Variants in CASTOR2 observed in about 807,000 individuals in gnomAD.
CASTOR2 encodes GATS protein like 2.
Under a neutral mutation model 31.2 loss-of-function variants are expected in CASTOR2, and 8 were observed. That is an observed-to-expected ratio of 0.26 (90% confidence interval 0.15 to 0.46). The LOEUF is 0.46. Ranked by LOEUF, CASTOR2 falls within the 20% of genes least tolerant of loss-of-function variation. CASTOR2 has a pLI of 0.99. For synonymous variants in CASTOR2, 162 were observed against 158.7 expected (o/e 1.02, Z -0.16); for missense variants, 216 against 382.1 (o/e 0.57, Z 3.62).
chr7:74,985,374 G>C (rs1804037556), intron 1 of CASTOR2, among the ~76,000 whole-genome samples: 1 of 151,854 alleles, frequency 6.6e-6, no homozygotes, highest in African/African-American at 2.4e-5. Context: ...GGGCTTAGAA[G>C]CTCGAGACCA....
chr7:74,987,045 C>G (rs1804083433), intron 1 of CASTOR2, among the ~76,000 whole-genome samples: 1 of 151,942 alleles, frequency 6.6e-6, no homozygotes, highest in African/African-American at 2.4e-5. Context: ...CTTTAAATAA[C>G]AACAAAAAAA....
intron 1 of CASTOR2, among the ~76,000 whole-genome samples, chr7:74,977,012 C>G (rs1803828325): frequency 6.6e-6 from 1 of 150,676 alleles, no homozygotes; most frequent in Non-Finnish European, 1.5e-5. Flanking sequence ...AGGTGAAGCC[C>G]TGACTCTACC....
chr7:74,972,720 C>T (rs1382254170), intron 1 of CASTOR2, among the ~76,000 whole-genome samples: 1 of 150,572 alleles, frequency 6.6e-6, no homozygotes. Flanking sequence ...TGCTCTGTCG[C>T]CCAGCCTGGA....
At position 75,028,185 on chromosome 7, in the gene CASTOR2, T is replaced by C. The variant is rs1162369412; in HGVS notation, c.*3486T>C. 12 of 1,071,314 alleles carry C rather than the reference T, an allele frequency of 1.1e-5. No individual in the cohort carries two copies. Among genetic ancestry groups the C allele is most frequent in the Non-Finnish European group, 1.6e-5 (12 of 768,930 alleles). The allele number at this position is 1,071,314 out of a possible 1,614,324, so 66.4% of individuals were successfully genotyped here. ...CAGGCTGGAGTGCTGTGGCATGATC[T>C]CAGCTCACTGCAGCAACCTCCACTT... On this transcript the variant is annotated 3_prime_UTR_variant, in exon 9 of 9. Coordinates refer to ENST00000616305, the MANE Select transcript of CASTOR2 (RefSeq NM_001145064.3).
intron 6 of CASTOR2, among the ~76,000 whole-genome samples, chr7:75,020,638 C>T (rs1449935244): frequency 2.0e-5 from 3 of 151,004 alleles, no homozygotes; most frequent in Non-Finnish European, 3.0e-5. Flanking sequence ...CTACAGGCGC[C>T]GCCACCACGC....
rs952965898 is a variant in CASTOR2, at chr7:75,027,789, C to T, written c.*3090C>T. On this transcript the variant is annotated 3_prime_UTR_variant, in exon 9 of 9. Coordinates refer to ENST00000616305, the MANE Select transcript of CASTOR2 (RefSeq NM_001145064.3). ...TCGTGTAAAGCTTGGTTTATCTTCT[C>T]GGCGTTCTGTGTGTAGCGTAGTCTT... 194 of 558,070 alleles carry T rather than the reference C, an allele frequency of 3.5e-4. 5 individuals carry two copies. The South Asian group carries it at 3.6e-3, about 10-fold the overall frequency. The allele number at this position is 558,070 out of a possible 1,614,324, so 34.6% of individuals were successfully genotyped here.
At chr7:75,000,295 A>G (rs1442089064) in intron 1 of CASTOR2, among the ~76,000 whole-genome samples, 1 of 152,208 alleles carries the variant, frequency 6.6e-6, no homozygotes, top group Non-Finnish European at 1.5e-5. Context: ...GGAGGCAGCC[A>G]GAAGTTGGCT....
At chr7:75,015,005 T>C (rs1338329795) in intron 2 of CASTOR2, among the ~76,000 whole-genome samples, 5 of 152,234 alleles carry the variant, frequency 3.3e-5, no homozygotes, top group African/African-American at 4.8e-5. Flanking sequence ...GGGGCCGCCC[T>C]TTCCCATTTC....
Position 75,020,111 on chromosome 7 carries a change from C to T in CASTOR2, c.708C>T (p.Gly236=), listed in dbSNP as rs1356602082. ...IRFFSFSLIE[G]YISLVMDVQT... is the part of the protein sequence containing the mutation. ...TCTTCTCCTTCTCCCTCATCGAGGG[C>T]TACATCTCCCTGGTGATGGACGTGC... Residue 236 remains glycine, a synonymous_variant, in exon 6 of 9, where the codon GGC becomes GGT. Coordinates refer to ENST00000616305, the MANE Select transcript of CASTOR2 (RefSeq NM_001145064.3). The T allele has an allele frequency of 9.0e-6, 14 of 1,551,428 alleles. No homozygotes were observed. Among genetic ancestry groups the T allele is most frequent in the Non-Finnish European group, 1.1e-5 (13 of 1,146,846 alleles).
At chr7:75,010,404 G>A (rs1348888312) in intron 2 of CASTOR2, among the ~76,000 whole-genome samples, 1 of 152,108 alleles carries the variant, frequency 6.6e-6, no homozygotes, top group Non-Finnish European at 1.5e-5. Flanking sequence ...CTGGGTTAGG[G>A]CTGAGTTGGG....
intron 1 of CASTOR2, among the ~76,000 whole-genome samples, chr7:74,997,539 C>T (rs1804381301): frequency 6.6e-6 from 1 of 151,720 alleles, no homozygotes; most frequent in East Asian, 1.9e-4. Flanking sequence ...GATTCTTGTG[C>T]TTCAGCCCCC....
intron 1 of CASTOR2, among the ~76,000 whole-genome samples, chr7:74,971,966 T>G (rs1803686800): frequency 2.0e-5 from 3 of 149,960 alleles, no homozygotes; most frequent in Admixed American, 2.0e-4. Flanking sequence ...TTTTTATTAA[T>G]ATTAGTATGG....
At chr7:74,988,205 CTG>C (rs1804118545) in intron 1 of CASTOR2, among the ~76,000 whole-genome samples, 1 of 93,644 alleles carries the variant, frequency 1.1e-5, no homozygotes, top group African/African-American at 2.8e-5. Flanking sequence ...TCTCGGATCA[CTG>C]CAATCTCTGC....
chr7:74,992,326 G>A (rs1234755801), intron 1 of CASTOR2, among the ~76,000 whole-genome samples: 3 of 152,192 alleles, frequency 2.0e-5, no homozygotes, highest in African/African-American at 7.2e-5. Flanking sequence ...GTAGGGCCCT[G>A]TATGGTGGCT....
intron 2 of CASTOR2, among the ~76,000 whole-genome samples, chr7:75,010,866 TC>T (rs1329890689): frequency 6.6e-6 from 1 of 151,982 alleles, no homozygotes; most frequent in Admixed American, 6.6e-5. Context: ...CTTTTTTTTT[TC>T]TTTGAGACAG....
chr7:75,001,289 G>C (rs1299122283), intron 1 of CASTOR2, among the ~76,000 whole-genome samples: 1 of 152,098 alleles, frequency 6.6e-6, no homozygotes, highest in Non-Finnish European at 1.5e-5. Flanking sequence ...TGTTGCCCAG[G>C]CTGGTCTCAA....
intron 1 of CASTOR2, among the ~76,000 whole-genome samples, chr7:74,990,394 A>AC (rs879064788): frequency 5.3e-5 from 8 of 150,746 alleles, no homozygotes; most frequent in Non-Finnish European, 8.9e-5. Context: ...AAAAAAAAAA[A>AC]CAAAAACAAA....
At chr7:74,993,532 CA>C (rs1804263466) in intron 1 of CASTOR2, among the ~76,000 whole-genome samples, 1 of 148,532 alleles carries the variant, frequency 6.7e-6, no homozygotes. Context: ...CTCACTGCAA[CA>C]TCCACCTCCT....
intron 1 of CASTOR2, among the ~76,000 whole-genome samples, chr7:75,001,117 C>G (rs1380436398): frequency 1.3e-5 from 2 of 152,154 alleles, no homozygotes; most frequent in Non-Finnish European, 2.9e-5. Context: ...CACTGTGTCA[C>G]CCAGCCTGGA....
Sources: allele counts gnomAD v4.1 joint callset (sites outside exome capture counted in the v4.1 genomes callset), GRCh38; gene constraint gnomAD v4.1.1; transcripts MANE v1.5; gene names NCBI Gene and HGNC (gene_info 2026-07-23, HGNC 2026-07-21).